The following CA5B variants were observed in gnomAD, a reference collection of about 807,000 sequenced individuals.
CA5B encodes carbonic anhydrase 5B.
A neutral mutation model predicts 23.1 loss-of-function variants in CA5B; 15 were observed. The ratio of observed to expected loss-of-function variants is 0.65; its 90% CI spans 0.43 to 1.00. CA5B has a LOEUF of 1.00. Ranked by LOEUF, CA5B falls within the 50% of genes least tolerant of loss-of-function variation. The pLI, the probability that CA5B is intolerant of heterozygous loss-of-function variation, is 0.00. For missense variants in CA5B, 236 were observed against 252.2 expected, an observed-to-expected ratio of 0.94 and a Z score of 0.43; for synonymous variants, 84 against 98.5, an observed-to-expected ratio of 0.85 and a Z score of 0.87.
chrX:15,746,755 G>A (rs761578829), intron 1 of CA5B, among the ~76,000 whole-genome samples: 1 of 111,149 alleles, frequency 9.0e-6, no homozygotes, highest in African/African-American at 3.3e-5. Flanking sequence ...TGGAATCATA[G>A]GGGGTTGAAG....
At chrX:15,767,028 T>C in intron 3 of CA5B, 1 of 754,795 alleles carries the variant, frequency 1.3e-6, no homozygotes, top group Non-Finnish European at 1.8e-6. Flanking sequence ...GGCACTCTGG[T>C]GAGCTCTACT....
intron 1 of CA5B, among the ~76,000 whole-genome samples, chrX:15,742,376 G>GT (rs11443494): frequency 0.35 from 38,861 of 110,060 alleles, 5,125 homozygotes; most frequent in East Asian, 0.45. Flanking sequence ...GTTTTTTTGG[G>GT]TTTTTTTTGA....
intron 2 of CA5B, among the ~76,000 whole-genome samples, chrX:15,756,255 G>T (rs778985880): frequency 1.8e-5 from 2 of 112,474 alleles, no homozygotes; most frequent in South Asian, 7.3e-4. Context: ...AGAGATGGTG[G>T]CTGTGAGGTA....
At position 15,779,331 on chromosome X, in the gene CA5B, A is replaced by G. The variant is rs767586628; in HGVS notation, c.774+2462A>G. Among the ~76,000 whole-genome samples, 25 of 111,601 alleles carry G rather than the reference A, an allele frequency of 2.2e-4. No individual in the cohort carries two copies. The East Asian group carries it at 6.5e-3, about 29-fold the overall frequency. On this transcript the variant is annotated intron_variant, in intron 7 of 7. Transcript: ENST00000318636. ...TCAGTTTATTGGATGACTCCCATCTACTTTAGGGAGGGCCATTCACTTTAC... is the reference window on the plus strand; with the variant it reads ...TCAGTTTATTGGATGACTCCCATCTGCTTTAGGGAGGGCCATTCACTTTAC...
intron 3 of CA5B, 78 bp from the exon 4 acceptor site, chrX:15,772,418 T>C (rs1448980947): frequency 8.6e-6 from 5 of 578,745 alleles, no homozygotes; most frequent in Admixed American, 2.5e-5. Flanking sequence ...GGAGGGTCCA[T>C]TGGAGATTTG....
chrX:15,739,646 G>C (rs1931078877), intron 1 of CA5B, among the ~76,000 whole-genome samples: 1 of 111,338 alleles, frequency 9.0e-6, no homozygotes, highest in Non-Finnish European at 1.9e-5. Flanking sequence ...TGAATATTTG[G>C]GAAATTTGAC....
In CA5B at chrX:15,775,226, TCTTA is replaced by T. The variant is rs761429646; in HGVS notation, c.556-16_556-13del. On this transcript the variant is annotated splice_polypyrimidine_tract_variant and intron_variant, in intron 5 of 7. Transcript: ENST00000318636. ...GAGATGTCCATTGTTTGTAATATTT[TCTTA>T]CTTGTTGTTCTTTAGCTAGGCAAAC... The T allele has an allele frequency of 7.6e-5, 87 of 1,144,830 alleles. 1 individual carries two copies. The South Asian group carries it at 1.6e-3, about 20-fold the overall frequency. The allele number at this position is 1,144,830 out of a possible 1,213,427, so 94.3% of individuals were successfully genotyped here. A position where few individuals can be genotyped will look rare whatever the true frequency, so the allele number is the denominator to read the frequency against.
At chrX:15,761,836 T>C (rs771175442) in intron 2 of CA5B, among the ~76,000 whole-genome samples, 45 of 111,797 alleles carry the variant, frequency 4.0e-4, no homozygotes, top group Non-Finnish European at 7.5e-4. Context: ...CTCCAGACAT[T>C]GCCAAATGTT....
intron 7 of CA5B, among the ~76,000 whole-genome samples, chrX:15,778,899 A>G (rs757235871): frequency 6.3e-5 from 7 of 111,037 alleles, no homozygotes; most frequent in Non-Finnish European, 1.3e-4. Flanking sequence ...TCGACGTGAG[A>G]TTTGGGTAGG....
intron 3 of CA5B, among the ~76,000 whole-genome samples, chrX:15,767,527 G>A (rs374662771): frequency 9.1e-6 from 1 of 109,451 alleles, no homozygotes; most frequent in East Asian, 2.9e-4. Flanking sequence ...TCAGCCTCCC[G>A]AGTAGCTGGG....
intron 4 of CA5B, among the ~76,000 whole-genome samples, chrX:15,773,939 C>G (rs1044301870): frequency 6.3e-5 from 7 of 111,929 alleles, no homozygotes; most frequent in Non-Finnish European, 1.3e-4. Flanking sequence ...ATCTATTTCT[C>G]TCAATATAAA....
chrX:15,776,733 G>A lies in CA5B; in HGVS notation c.638G>A (p.Gly213Glu), dbSNP rs762311894. ...GGCCAGGACGCCCTTGTGGAATTTG[G>A]GTCATTTGACCCTTCCTGCCTGATG... Reference protein sequence around the residue: ...IKHKDALVEFGSFDPSCLMPT... With the variant: ...IKHKDALVEFESFDPSCLMPT... Residue 213 changes from glycine to glutamate, a missense_variant, in exon 7 of 8, where the codon GGG (glycine) becomes GAG (glutamate). Coordinates refer to ENST00000318636, the MANE Select transcript of CA5B (RefSeq NM_007220.4). 33 of 1,209,364 alleles carry A rather than the reference G, an allele frequency of 2.7e-5. No individual in the cohort carries two copies. The highest frequency in any genetic ancestry group is 3.7e-5 in the Non-Finnish European group (33 of 893,751).
intron 2 of CA5B, among the ~76,000 whole-genome samples, chrX:15,755,366 C>A (rs1419646694): frequency 9.0e-6 from 1 of 111,699 alleles, no homozygotes. Context: ...CATCCAAGTT[C>A]CTTTTATAGC....
intron 3 of CA5B, among the ~76,000 whole-genome samples, chrX:15,769,826 G>A (rs1206472170): frequency 8.9e-6 from 1 of 111,802 alleles, no homozygotes; most frequent in African/African-American, 3.2e-5. Context: ...TTTTATTTAT[G>A]TGGGTTCTGT....
At chrX:15,745,448 G>C (rs1386079923) in intron 1 of CA5B, among the ~76,000 whole-genome samples, 1 of 112,343 alleles carries the variant, frequency 8.9e-6, no homozygotes. Flanking sequence ...ACAACATTAT[G>C]AATGTATTTA....
chrX:15,785,642 G>C lies in CA5B; in HGVS notation c.*2978G>C, dbSNP rs1168183164. 1 of 111,876 alleles carries C rather than the reference G, an allele frequency of 8.9e-6. No individual in the cohort carries two copies. Among genetic ancestry groups the C allele is most frequent in the Non-Finnish European group, 1.9e-5 (1 of 53,182 alleles). 9.2% of individuals were successfully genotyped at this position (111,876 alleles called of 1,213,427 possible). On this transcript the variant is annotated 3_prime_UTR_variant, in exon 8 of 8. Transcript: ENST00000318636. Reference sequence around the variant, plus strand: ...TACTGAACTGTATACGTATAAGTTTGAGAAATATCTCTTTTAAAAAGGGGG... The same window carrying C: ...TACTGAACTGTATACGTATAAGTTTCAGAAATATCTCTTTTAAAAAGGGGG...
rs1446859117 is a variant in CA5B, at chrX:15,788,060, G to A, written c.*5396G>A. On this transcript the variant is annotated 3_prime_UTR_variant, in exon 8 of 8. Coordinates refer to ENST00000318636, the MANE Select transcript of CA5B (RefSeq NM_007220.4). ...CAGGGACCAGCAAAATTGGTGAGTT[G>A]CATAGCTACAACATTCTGTGCCATC... The A allele has an allele frequency of 8.9e-6, 1 of 112,475 alleles. No individual in the cohort carries two copies. The highest frequency in any genetic ancestry group is 1.9e-5 in the Non-Finnish European group (1 of 53,326). 9.3% of individuals were successfully genotyped at this position (112,475 alleles called of 1,213,427 possible).
chrX:15,752,551 C>T (rs1340491795), intron 2 of CA5B, among the ~76,000 whole-genome samples: 2 of 110,493 alleles, frequency 1.8e-5, no homozygotes, highest in African/African-American at 3.3e-5. Context: ...CGGTGAAACC[C>T]CGTCTCTACT....
chrX:15,776,940 C>A, intron 7 of CA5B, 71 bp downstream of exon 7: 2 of 919,639 alleles, frequency 2.2e-6, no homozygotes. Context: ...TGGGCTCAGA[C>A]TGTGGCATCA....
Sources: allele counts gnomAD v4.1 joint callset (sites outside exome capture counted in the v4.1 genomes callset), GRCh38; gene constraint gnomAD v4.1.1; transcripts MANE v1.5; gene names NCBI Gene and HGNC (gene_info 2026-07-23, HGNC 2026-07-21).